The following TRIM2 variants were observed in gnomAD, a reference collection of about 807,000 sequenced individuals.
TRIM2 encodes the protein tripartite motif-containing protein 2.
A neutral mutation model predicts 75.2 loss-of-function variants in TRIM2; 20 were observed. The ratio of observed to expected loss-of-function variants is 0.27; its 90% CI spans 0.19 to 0.39. TRIM2 has a LOEUF of 0.39. Among genes scored for constraint, TRIM2 ranks in the 10% least tolerant of loss-of-function variants. TRIM2 has a pLI of 1.00. For synonymous variants in TRIM2, 373 were observed against 388.3 expected (o/e 0.96, Z 0.46); for missense variants, 660 against 990.8 (o/e 0.67, Z 4.48).
chr4:153,288,372 G>A (rs1761125245), intron 3 of TRIM2, among the ~76,000 whole-genome samples: 1 of 152,132 alleles, frequency 6.6e-6, no homozygotes, highest in Non-Finnish European at 1.5e-5. Flanking sequence ...GGGAGCCAGA[G>A]GTTGCAGTGA....
At chr4:153,196,209 G>T (rs189425513) in intron 1 of TRIM2, among the ~76,000 whole-genome samples, 13 of 152,226 alleles carry the variant, frequency 8.5e-5, no homozygotes, top group Non-Finnish European at 1.8e-4. Context: ...AGGATGGCTT[G>T]AGCCCAGGAG....
chr4:153,339,237 A>G lies in TRIM2; in HGVS notation c.*4271A>G. The G allele has an allele frequency of 2.1e-6, 2 of 972,594 alleles. No individual in the cohort carries two copies. The highest frequency in any genetic ancestry group is 2.4e-6 in the Non-Finnish European group (2 of 817,858). 60.2% of individuals were successfully genotyped at this position (972,594 alleles called of 1,614,324 possible). On this transcript the variant is annotated 3_prime_UTR_variant, in exon 12 of 12. Coordinates refer to ENST00000338700, the MANE Select transcript of TRIM2 (RefSeq NM_015271.5). The stretch of plus-strand genomic sequence containing the variant: ...AACTTTCAATTAATTCTGTCTTGAA[A>G]CATAGGAGAAACAGGATTCATGTGT...
At position 153,194,376 on chromosome 4, in the gene TRIM2, C is replaced by T. The variant is rs147612324; in HGVS notation, c.-49+41106C>T. ...CAACATTTTGGTTTCTTTCATTCCA[C>T]TTAATCAAAATGAAATCATTTTCAT... On this transcript the variant is annotated intron_variant, in intron 1 of 11. Transcript: ENST00000437508. Among the ~76,000 whole-genome samples the T allele has an allele frequency of 3.9e-5, 6 of 152,252 alleles. No individual in the cohort carries two copies. In the East Asian group the frequency reaches 9.6e-4, roughly 24 times the overall value.
chr4:153,159,077 A>G (rs898464125), intron 1 of TRIM2, among the ~76,000 whole-genome samples: 2 of 152,214 alleles, frequency 1.3e-5, no homozygotes, highest in African/African-American at 4.8e-5. Context: ...AAATTGATAT[A>G]AAGTGTCCGG....
chr4:153,321,668 C>A (rs1377870280), intron 8 of TRIM2, among the ~76,000 whole-genome samples: 2 of 152,064 alleles, frequency 1.3e-5, no homozygotes, highest in Admixed American at 6.5e-5. Flanking sequence ...CCTGAGTACA[C>A]AATGGTGAAT....
chr4:153,312,697 C>T (rs996405528), intron 6 of TRIM2, among the ~76,000 whole-genome samples: 4 of 152,090 alleles, frequency 2.6e-5, no homozygotes, highest in African/African-American at 9.7e-5. Context: ...CCCAGCCATC[C>T]CATTACTGGG....
chr4:153,186,851 G>T (rs1398727094), intron 1 of TRIM2, among the ~76,000 whole-genome samples: 1 of 152,174 alleles, frequency 6.6e-6, no homozygotes, highest in African/African-American at 2.4e-5. Context: ...ACCTGTGTGG[G>T]GAAGCCAGCC....
chr4:153,162,702 T>C (rs1411816191), intron 1 of TRIM2, among the ~76,000 whole-genome samples: 1 of 152,230 alleles, frequency 6.6e-6, no homozygotes, highest in Non-Finnish European at 1.5e-5. Flanking sequence ...CAGTAGTTTC[T>C]GAACTGTGGC....
At chr4:153,275,689 T>A (rs1757853528) in intron 2 of TRIM2, among the ~76,000 whole-genome samples, 1 of 152,244 alleles carries the variant, frequency 6.6e-6, no homozygotes, top group Non-Finnish European at 1.5e-5. Context: ...ATGACATTTT[T>A]TATTTCCTTG....
At chr4:153,279,967 G>A (rs552380629) in intron 3 of TRIM2, among the ~76,000 whole-genome samples, 1 of 151,684 alleles carries the variant, frequency 6.6e-6, no homozygotes, top group Non-Finnish European at 1.5e-5. Flanking sequence ...AAAGCAGGGG[G>A]GGATAGTGGA....
intron 1 of TRIM2, among the ~76,000 whole-genome samples, chr4:153,166,492 C>T (rs935856575): frequency 6.7e-6 from 1 of 148,590 alleles, no homozygotes; most frequent in African/African-American, 2.5e-5. Context: ...CCCTCCCTTC[C>T]TTCCCTCCCT....
At chr4:153,322,040 C>T (rs1016868874) in intron 8 of TRIM2, among the ~76,000 whole-genome samples, 6 of 152,202 alleles carry the variant, frequency 3.9e-5, no homozygotes, top group South Asian at 2.1e-4. Flanking sequence ...CAGATCACAC[C>T]GCCTCTTCAG....
At position 153,334,953 on chromosome 4, in the gene TRIM2, G is replaced by A; in HGVS notation, c.2303G>A (p.Arg768Gln). ...GGAAATCACTGTTTCAAAGTCTATC[G>A]ATACTTACAGTAATGGTGGGCAGGT... ...DSGNHCFKVY[R>Q]YLQ The change falls in exon 12 of 12, where the codon CGA (arginine) becomes CAA (glutamine). Residue 768 changes from arginine to glutamine, a missense_variant. By Grantham distance (43) the Arg-to-Gln change is conservative (BLOSUM62 1). Transcript: ENST00000338700. 3.1e-6 allele frequency: 5 copies of A among 1,613,186 alleles called. No individual in the cohort carries two copies. Among genetic ancestry groups the A allele is most frequent in the Non-Finnish European group, 4.2e-6 (5 of 1,179,506 alleles).
chr4:153,185,606 G>A (rs1046195679), intron 1 of TRIM2, among the ~76,000 whole-genome samples: 1 of 152,048 alleles, frequency 6.6e-6, no homozygotes, highest in Non-Finnish European at 1.5e-5. Context: ...AAAGAGCCAG[G>A]TCTCACTGAG....
At chr4:153,176,274 T>C (rs1731425089) in intron 1 of TRIM2, among the ~76,000 whole-genome samples, 1 of 152,018 alleles carries the variant, frequency 6.6e-6, no homozygotes, top group Non-Finnish European at 1.5e-5. Context: ...AGCAACACAG[T>C]GCGACCTCAT....
intron 1 of TRIM2, among the ~76,000 whole-genome samples, chr4:153,245,145 A>G (rs1027873399): frequency 6.6e-6 from 1 of 152,250 alleles, no homozygotes; most frequent in African/African-American, 2.4e-5. Context: ...GCCTCCACCT[A>G]CAAAACACAG....
intron 1 of TRIM2, among the ~76,000 whole-genome samples, chr4:153,268,200 A>G (rs971013935): frequency 1.3e-5 from 2 of 152,214 alleles, no homozygotes; most frequent in African/African-American, 2.4e-5. Context: ...TGGTTTTACA[A>G]TAGTTTTGTT....
intron 11 of TRIM2, among the ~76,000 whole-genome samples, chr4:153,330,461 G>A (rs1771205150): frequency 6.6e-6 from 1 of 152,126 alleles, no homozygotes; most frequent in Non-Finnish European, 1.5e-5. Context: ...CCATGACCAA[G>A]TGGAGTTTAT....
rs1229941924 is a variant in TRIM2, at chr4:153,244,407, T to C, written c.31-25928T>C. Reference sequence around the variant, plus strand: ...TTCTTCTTCTTCTTCTTCTTCTTCTTCTTCTTCTTCTTCTTCTTCTTCTTC... The same window carrying C: ...TTCTTCTTCTTCTTCTTCTTCTTCTCCTTCTTCTTCTTCTTCTTCTTCTTC... On this transcript the variant is annotated intron_variant, in intron 1 of 11. Coordinates refer to ENST00000338700, the MANE Select transcript of TRIM2 (RefSeq NM_015271.5). Among the ~76,000 whole-genome samples, 33 of 95,678 alleles carry C rather than the reference T, an allele frequency of 3.4e-4. 7 individuals are homozygous for C. The highest frequency in any genetic ancestry group is 1.8e-3 in the African/African-American group (31 of 17,314). 62.8% of individuals were successfully genotyped at this position (95,678 alleles called of 152,430 possible).
Sources: gnomAD v4.1 joint callset for allele counts (sites outside exome capture counted in the v4.1 genomes callset) on GRCh38, gnomAD v4.1.1 for gene constraint, MANE v1.5 for transcripts, NCBI Gene and HGNC (gene_info 2026-07-23, HGNC 2026-07-21) for gene names.